The following SORBS2 variants were observed in gnomAD, a reference collection of about 807,000 sequenced individuals.
SORBS2 encodes sorbin and SH3 domain containing 2.
Under a neutral mutation model 97.7 loss-of-function variants are expected in SORBS2, and 46 were observed. That is an observed-to-expected ratio of 0.47 (90% CI 0.37 to 0.60). The LOEUF (loss-of-function observed/expected upper bound fraction) is 0.60, where lower values mean the gene tolerates loss of function less well. Among genes scored for constraint, SORBS2 ranks in the 20% least tolerant of loss-of-function variants. The pLI, the probability that SORBS2 is intolerant of heterozygous loss-of-function variation, is 0.00. For missense variants in SORBS2, 1,316 were observed against 1,282.3 expected, an observed-to-expected ratio of 1.03 and a Z score of -0.40; for synonymous variants, 476 against 473.4, an observed-to-expected ratio of 1.01 and a Z score of -0.07.
intron 5 of SORBS2, among the ~76,000 whole-genome samples, chr4:185,629,520 A>G (rs1033414503): frequency 1.3e-5 from 2 of 148,790 alleles, no homozygotes. Context: ...ATTATTCAAT[A>G]TTACTATTGA....
chr4:185,891,681 T>A (rs146221207), intron 1 of SORBS2, among the ~76,000 whole-genome samples: 2 of 152,218 alleles, frequency 1.3e-5, no homozygotes, highest in East Asian at 3.9e-4. Flanking sequence ...AAAACCCTAG[T>A]CTCCAAATTT....
chr4:185,791,080 T>A (rs1160851128), intron 1 of SORBS2, among the ~76,000 whole-genome samples: 1 of 152,190 alleles, frequency 6.6e-6, no homozygotes, highest in African/African-American at 2.4e-5. Flanking sequence ...TCATAAACAA[T>A]TTAAAAAGTT....
intron 1 of SORBS2, among the ~76,000 whole-genome samples, chr4:185,821,071 G>C (rs1023298035): frequency 6.6e-6 from 1 of 152,222 alleles, no homozygotes; most frequent in Non-Finnish European, 1.5e-5. Flanking sequence ...TTCTGGGTGG[G>C]TGAACGTGAG....
chr4:185,818,387 C>T (rs2099194613), intron 1 of SORBS2, among the ~76,000 whole-genome samples: 2 of 152,060 alleles, frequency 1.3e-5, no homozygotes, highest in African/African-American at 4.8e-5. Context: ...AACGGAGTTT[C>T]ACCATGTTAG....
intron 1 of SORBS2, among the ~76,000 whole-genome samples, chr4:185,824,394 A>G (rs2099198604): frequency 6.6e-6 from 1 of 152,178 alleles, no homozygotes; most frequent in South Asian, 2.1e-4. Flanking sequence ...CTTAATCCCT[A>G]TGACCCCATC....
intron 1 of SORBS2, among the ~76,000 whole-genome samples, chr4:185,913,482 T>C (rs1287520153): frequency 6.6e-6 from 1 of 152,206 alleles, no homozygotes; most frequent in Non-Finnish European, 1.5e-5. Context: ...TCTAAACCAA[T>C]ACAATCAAAT....
At chr4:185,690,926 G>C (rs2153518254) in intron 2 of SORBS2, among the ~76,000 whole-genome samples, 1 of 149,684 alleles carries the variant, frequency 6.7e-6, no homozygotes, top group Admixed American at 6.7e-5. Context: ...TTGAGACAGA[G>C]TCCGCCACTG....
chr4:185,668,748 G>A (rs2097659962), intron 4 of SORBS2, among the ~76,000 whole-genome samples: 2 of 152,216 alleles, frequency 1.3e-5, no homozygotes, highest in South Asian at 4.1e-4. Context: ...TACTTCATGA[G>A]TGGCAAGTAG....
chr4:185,893,886 A>G (rs747147144), intron 1 of SORBS2, among the ~76,000 whole-genome samples: 1 of 152,176 alleles, frequency 6.6e-6, no homozygotes, highest in Non-Finnish European at 1.5e-5. Context: ...AGTCTCTATC[A>G]GACCTTCAGC....
chr4:185,682,046 G>A (rs1449830018), intron 2 of SORBS2, among the ~76,000 whole-genome samples: 1 of 152,152 alleles, frequency 6.6e-6, no homozygotes, highest in Admixed American at 6.5e-5. Flanking sequence ...CTAATTGAGT[G>A]CCTACTGTGT....
chr4:185,673,842 C>T (rs995924143), intron 4 of SORBS2, among the ~76,000 whole-genome samples: 5 of 152,214 alleles, frequency 3.3e-5, no homozygotes, highest in Non-Finnish European at 7.3e-5. Flanking sequence ...CATTTCAAAC[C>T]TGTCTCATCA....
intron 1 of SORBS2, among the ~76,000 whole-genome samples, chr4:185,912,105 C>T (rs1224521112): frequency 6.6e-6 from 1 of 152,050 alleles, no homozygotes; most frequent in Non-Finnish European, 1.5e-5. Context: ...TTCATGTATG[C>T]ACAAAATGCA....
At chr4:185,873,205 G>T (rs113208487) in intron 1 of SORBS2, among the ~76,000 whole-genome samples, 98 of 152,294 alleles carry the variant, frequency 6.4e-4, no homozygotes, top group African/African-American at 2.4e-3. Flanking sequence ...ATGTTGCAAT[G>T]ACTTTTATTT....
At chr4:185,657,393 C>CCAGA, upstream of SORBS2, 1 of 1,507,326 alleles carries the variant, frequency 6.6e-7, no homozygotes, top group South Asian at 1.4e-5. Flanking sequence ...GTGCACAGCC[C>CCAGA]CAGACAGACG....
At chr4:185,653,928 G>A (rs961923918) in intron 1 of SORBS2, among the ~76,000 whole-genome samples, 6 of 152,194 alleles carry the variant, frequency 3.9e-5, no homozygotes, top group African/African-American at 7.2e-5. Flanking sequence ...GGACTGATAC[G>A]AAAGCATTCT....
chr4:185,679,558 A>G (rs1229794816), intron 2 of SORBS2, among the ~76,000 whole-genome samples: 1 of 152,206 alleles, frequency 6.6e-6, no homozygotes, highest in African/African-American at 2.4e-5. Flanking sequence ...CATTTGAGGT[A>G]ATCAGTTTGC....
intron 1 of SORBS2, among the ~76,000 whole-genome samples, chr4:185,782,459 A>T (rs990322884): frequency 3.9e-5 from 6 of 152,240 alleles, no homozygotes; most frequent in African/African-American, 1.4e-4. Flanking sequence ...GGGTAGAGTG[A>T]GGTCCCTGAT....
chr4:185,945,426 T>A (rs1551436), intron 1 of SORBS2, among the ~76,000 whole-genome samples: 2 of 152,126 alleles, frequency 1.3e-5, no homozygotes, highest in Non-Finnish European at 2.9e-5. Flanking sequence ...AGGTCAAGGG[T>A]AGGCACATTT....
chr4:185,952,044 T>TTTTAGAG (rs1554057015), intron 1 of SORBS2, among the ~76,000 whole-genome samples: 1 of 148,250 alleles, frequency 6.7e-6, no homozygotes, highest in Non-Finnish European at 1.5e-5. Context: ...TTTTTTTTTT[T>TTTTAGAG]TGATAGAGTC....
Sources: allele counts gnomAD v4.1 joint callset (sites outside exome capture counted in the v4.1 genomes callset), GRCh38; gene constraint gnomAD v4.1.1; transcripts MANE v1.5; gene names NCBI Gene and HGNC (gene_info 2026-07-23, HGNC 2026-07-21).